The following PARD3 variants were observed in gnomAD, a reference collection of about 807,000 sequenced individuals.
The protein encoded by PARD3 is par-3 family cell polarity regulator.
A neutral mutation model predicts 155.4 loss-of-function variants in PARD3; 75 were observed. The observed-to-expected ratio is 0.48, with a 90% confidence interval of 0.40 to 0.58. PARD3 has a LOEUF of 0.58. Among genes scored for constraint, PARD3 ranks in the 20% least tolerant of loss-of-function variants. The pLI is 0.00. For missense variants in PARD3, 1,642 were observed against 1,721.7 expected (o/e 0.95, Z 0.82); for synonymous variants, 576 against 610.5 (o/e 0.94, Z 0.83).
At chr10:34,523,584 G>A (rs560873293) in intron 2 of PARD3, among the ~76,000 whole-genome samples, 20 of 152,196 alleles carry the variant, frequency 1.3e-4, no homozygotes, top group African/African-American at 4.3e-4. Flanking sequence ...CAGATCCAGC[G>A]GCTTAGTCAA....
At chr10:34,133,566 G>A (rs550995500) in intron 22 of PARD3, among the ~76,000 whole-genome samples, 4 of 152,310 alleles carry the variant, frequency 2.6e-5, no homozygotes, top group African/African-American at 9.6e-5. Flanking sequence ...GGAAGATCAG[G>A]TCTCTTCACA....
rs186902274 is a variant in PARD3, at chr10:34,269,275, T to C, written c.3419+382A>G. Among the ~76,000 whole-genome samples the C allele has an allele frequency of 2.0e-5, 3 of 152,304 alleles. No individual in the cohort carries two copies. The East Asian group carries it at 5.8e-4, about 29-fold the overall frequency. On this transcript the variant is annotated intron_variant, in intron 22 of 24. Transcript: ENST00000374788. ...CCATCTAAATCATAAGTGGAACAAA[T>C]CATGTCATTCCCCATCTATTTAATT...
chr10:34,603,664 C>T (rs1299015375), intron 2 of PARD3, among the ~76,000 whole-genome samples: 3 of 152,036 alleles, frequency 2.0e-5, no homozygotes, highest in Non-Finnish European at 4.4e-5. Flanking sequence ...AGTAATAGTA[C>T]GTGAGGCCAT....
At chr10:34,333,442 C>T (rs936139186) in intron 18 of PARD3, among the ~76,000 whole-genome samples, 1 of 152,032 alleles carries the variant, frequency 6.6e-6, no homozygotes, top group African/African-American at 2.4e-5. Flanking sequence ...GCATACCTAC[C>T]TATTTGTTTC....
chr10:34,498,805 A>T (rs1035100649), intron 3 of PARD3, among the ~76,000 whole-genome samples: 2 of 152,210 alleles, frequency 1.3e-5, no homozygotes, highest in Non-Finnish European at 2.9e-5. Context: ...AACAAAAATT[A>T]AAAAGCCTAC....
At chr10:34,622,114 A>G (rs2091716292) in intron 2 of PARD3, among the ~76,000 whole-genome samples, 1 of 152,224 alleles carries the variant, frequency 6.6e-6, no homozygotes, top group Admixed American at 6.5e-5. Context: ...ATCTGACAAC[A>G]TTCCTTGTTA....
At chr10:34,221,633 C>G (rs2133477534) in intron 22 of PARD3, among the ~76,000 whole-genome samples, 1 of 152,164 alleles carries the variant, frequency 6.6e-6, no homozygotes, top group East Asian at 1.9e-4. Context: ...CCTATCCGTT[C>G]CTTTCTTAAC....
chr10:34,662,970 A>G (rs994541642), intron 2 of PARD3, among the ~76,000 whole-genome samples: 1 of 152,052 alleles, frequency 6.6e-6, no homozygotes, highest in Non-Finnish European at 1.5e-5. Flanking sequence ...CATTTGTGGG[A>G]GCTAAAAATT....
At chr10:34,267,582 T>TGGG (rs1955386012) in intron 22 of PARD3, among the ~76,000 whole-genome samples, 1 of 152,216 alleles carries the variant, frequency 6.6e-6, no homozygotes, top group Non-Finnish European at 1.5e-5. Context: ...ACATTTGCTA[T>TGGG]TTTTAAAAAT....
chr10:34,767,475 T>G (rs1342218179), intron 1 of PARD3, among the ~76,000 whole-genome samples: 3 of 152,138 alleles, frequency 2.0e-5, no homozygotes, highest in Admixed American at 1.3e-4. Context: ...CTCAGCAGCC[T>G]GACGGACTCC....
intron 12 of PARD3, among the ~76,000 whole-genome samples, chr10:34,372,084 T>G (rs1338188094): frequency 1.3e-5 from 2 of 152,172 alleles, no homozygotes; most frequent in Non-Finnish European, 2.9e-5. Context: ...AATTTTCCTG[T>G]GTATACTTTT....
Position 34,353,439 on chromosome 10 carries a change from C to T in PARD3, c.2068-5324G>A, listed in dbSNP as rs1365093947. On this transcript the variant is annotated intron_variant, in intron 14 of 24. Coordinates refer to ENST00000374788, the MANE Select transcript of PARD3 (RefSeq NM_001184785.2). ...ACCCCCAACCCCGTGCTCTCTGAAA[C>T]ATGTGCTGTGTCCACTCAGGGTTAA... Among the ~76,000 whole-genome samples, 4 of 152,224 alleles carry T rather than the reference C, an allele frequency of 2.6e-5. No homozygotes were observed. In the East Asian group the frequency reaches 7.7e-4, roughly 29 times the overall value.
chr10:34,748,072 G>T (rs2133929283), intron 1 of PARD3, among the ~76,000 whole-genome samples: 1 of 152,306 alleles, frequency 6.6e-6, no homozygotes, highest in South Asian at 2.1e-4. Context: ...GAACATCATG[G>T]AAAAAGCAGA....
chr10:34,800,024 G>A (rs1267781095), intron 1 of PARD3, among the ~76,000 whole-genome samples: 7 of 151,966 alleles, frequency 4.6e-5, no homozygotes, highest in African/African-American at 1.2e-4. Context: ...CAGCTACTCG[G>A]GAGGCTGAGG....
chr10:34,615,139 C>T (rs1383072258), intron 2 of PARD3, among the ~76,000 whole-genome samples: 3 of 152,112 alleles, frequency 2.0e-5, no homozygotes, highest in African/African-American at 7.2e-5. Context: ...CGAGATGGCG[C>T]CACTTCACTC....
intron 21 of PARD3, among the ~76,000 whole-genome samples, chr10:34,274,880 C>T (rs1955801451): frequency 6.6e-6 from 1 of 152,094 alleles, no homozygotes; most frequent in Non-Finnish European, 1.5e-5. Flanking sequence ...TCAAGGGAGG[C>T]ATAAACCTAA....
Position 34,131,287 on chromosome 10 carries a change from T to C in PARD3, c.3540+176A>G, listed in dbSNP as rs541123863. Among the ~76,000 whole-genome samples the C allele has an allele frequency of 3.3e-5, 5 of 152,248 alleles. No individual in the cohort carries two copies. In the South Asian group the frequency reaches 1.0e-3, roughly 32 times the overall value. The stretch of plus-strand genomic sequence containing the variant: ...ACAGATGGTGGAACAAGATATAAAA[T>C]GAAATTAGCAATGATGAAACCCAGA... On this transcript the variant is annotated intron_variant, in intron 23 of 24. Transcript: ENST00000374788.
At chr10:34,353,005 TG>T (rs1006073442) in intron 14 of PARD3, among the ~76,000 whole-genome samples, 4 of 125,798 alleles carry the variant, frequency 3.2e-5, no homozygotes, top group African/African-American at 7.9e-5. Flanking sequence ...CCACCCCGTC[TG>T]GGAGGTGAGG....
intron 4 of PARD3, among the ~76,000 whole-genome samples, chr10:34,468,335 C>A (rs546626545): frequency 1.3e-5 from 2 of 152,328 alleles, no homozygotes; most frequent in African/African-American, 4.8e-5. Flanking sequence ...TTTGCTGCAA[C>A]TGAAACGGAC....
Sources: allele counts gnomAD v4.1 joint callset (sites outside exome capture counted in the v4.1 genomes callset), GRCh38; gene constraint gnomAD v4.1.1; transcripts MANE v1.5; gene names NCBI Gene and HGNC (gene_info 2026-07-23, HGNC 2026-07-21).